AP3B1: variants seen among roughly 807,000 people sequenced by gnomAD.
AP3B1 encodes the protein AP-3 complex subunit beta-1.
Under a neutral mutation model 132.5 loss-of-function variants are expected in AP3B1, and 61 were observed. The observed-to-expected ratio is 0.46, with a 90% CI of 0.37 to 0.57. The LOEUF is 0.57. AP3B1 is among the 20% of genes least tolerant of loss of function. AP3B1 has a pLI of 0.00. For synonymous variants in AP3B1, 388 were observed against 438.3 expected, an observed-to-expected ratio of 0.89 and a Z score of 1.43; for missense variants, 1,120 against 1,289.4, an observed-to-expected ratio of 0.87 and a Z score of 2.01.
intron 2 of AP3B1, among the ~76,000 whole-genome samples, chr5:78,250,302 G>A (rs1422288211): frequency 6.6e-6 from 1 of 151,868 alleles, no homozygotes. Flanking sequence ...ACCCAAAAAA[G>A]AAAAATAAAG....
chr5:78,019,644 G>A (rs941756416), intron 25 of AP3B1, among the ~76,000 whole-genome samples: 10 of 152,030 alleles, frequency 6.6e-5, no homozygotes, highest in East Asian at 5.8e-4. Context: ...AGATTTCATC[G>A]TTCTTTTTTA....
At chr5:78,150,902 A>G (rs1404619286) in intron 14 of AP3B1, among the ~76,000 whole-genome samples, 1 of 151,822 alleles carries the variant, frequency 6.6e-6, no homozygotes, top group Non-Finnish European at 1.5e-5. Flanking sequence ...GTAAACATAT[A>G]ATTTTATTTT....
At chr5:78,021,570 G>A (rs1251888777) in intron 24 of AP3B1, among the ~76,000 whole-genome samples, 1 of 152,108 alleles carries the variant, frequency 6.6e-6, no homozygotes, top group African/African-American at 2.4e-5. Context: ...AATGATAGTA[G>A]TGTGTTTGAT....
At chr5:78,055,609 A>T (rs1211112413) in intron 22 of AP3B1, among the ~76,000 whole-genome samples, 1 of 152,174 alleles carries the variant, frequency 6.6e-6, no homozygotes, top group African/African-American at 2.4e-5. Context: ...CTTCAGTGTC[A>T]TTTCTGTCAA....
At chr5:78,270,524 G>C (rs1396455821) in intron 1 of AP3B1, among the ~76,000 whole-genome samples, 1 of 152,100 alleles carries the variant, frequency 6.6e-6, no homozygotes, top group Non-Finnish European at 1.5e-5. Flanking sequence ...GACCTTTATG[G>C]AGCCCTACCA....
chr5:78,267,812 A>T (rs1438481912), intron 1 of AP3B1, among the ~76,000 whole-genome samples: 1 of 152,220 alleles, frequency 6.6e-6, no homozygotes, highest in Admixed American at 6.5e-5. Context: ...TTGTGAAAAA[A>T]TTAATTTCTG....
chr5:78,255,156 T>TAGA (rs147082711), intron 2 of AP3B1, among the ~76,000 whole-genome samples: 2,813 of 151,952 alleles, frequency 0.019, 94 homozygotes, highest in African/African-American at 0.065. Flanking sequence ...ATCCCTTCAC[T>TAGA]AGAAGACAGG....
At chr5:78,256,050 A>C (rs933256601) in intron 2 of AP3B1, among the ~76,000 whole-genome samples, 2 of 151,968 alleles carry the variant, frequency 1.3e-5, no homozygotes, top group African/African-American at 4.8e-5. Flanking sequence ...TTTCATAGCT[A>C]TAAGTGTCTA....
At chr5:78,056,181 T>C (rs954093955) in intron 22 of AP3B1, among the ~76,000 whole-genome samples, 3 of 152,180 alleles carry the variant, frequency 2.0e-5, no homozygotes, top group Non-Finnish European at 4.4e-5. Context: ...CTCAGGAAAC[T>C]GCATGGGGTA....
At position 78,110,126 on chromosome 5, in the gene AP3B1, G is replaced by T. The variant is rs982168688; in HGVS notation, c.2397+81C>A. 4.1e-6 allele frequency: 5 copies of T among 1,221,006 alleles called. No homozygotes were observed. The African/African-American group carries it at 4.5e-5, about 11-fold the overall frequency. 75.6% of individuals were successfully genotyped at this position (1,221,006 alleles called of 1,614,324 possible). On this transcript the variant is annotated intron_variant, in intron 20 of 26. Coordinates refer to ENST00000255194, the MANE Select transcript of AP3B1 (RefSeq NM_003664.5). Reference sequence around the variant, plus strand: ...TTATCTAGAAAAAATAAAATCACAGGAGTAGATGAGGATGGTGTTGTCTAT... The same window carrying T: ...TTATCTAGAAAAAATAAAATCACAGTAGTAGATGAGGATGGTGTTGTCTAT...
At chr5:78,247,337 C>T (rs149802742) in intron 2 of AP3B1, among the ~76,000 whole-genome samples, 1,788 of 149,824 alleles carry the variant, frequency 0.012, 21 homozygotes, top group Admixed American at 0.031. Context: ...TATTTCGCTA[C>T]TGTTGAGTAG....
chr5:78,028,567 G>A (rs1165581324), intron 24 of AP3B1, among the ~76,000 whole-genome samples: 1 of 152,162 alleles, frequency 6.6e-6, no homozygotes, highest in South Asian at 2.1e-4. Context: ...ATAGTGTGGT[G>A]AGCAGACATC....
At chr5:78,051,776 C>G (rs1306110333) in intron 22 of AP3B1, among the ~76,000 whole-genome samples, 1 of 152,048 alleles carries the variant, frequency 6.6e-6, no homozygotes. Flanking sequence ...ACATCAGTAT[C>G]TATTTTGATA....
chr5:78,026,365 G>A (rs1487975046), intron 24 of AP3B1, among the ~76,000 whole-genome samples: 2 of 152,142 alleles, frequency 1.3e-5, no homozygotes, highest in Non-Finnish European at 2.9e-5. Context: ...CTCAGTTCAC[G>A]GATTCCTTTA....
rs570897233 is a variant in AP3B1, at chr5:78,132,269, T to A, written c.1651-2962A>T. Among the ~76,000 whole-genome samples the A allele has an allele frequency of 5.0e-4, 76 of 152,318 alleles. 1 individual carries two copies. Among genetic ancestry groups the A allele is most frequent in the Middle Eastern group, 6.8e-3 (2 of 294 alleles). On this transcript the variant is annotated intron_variant, in intron 15 of 26. Coordinates refer to ENST00000255194, the MANE Select transcript of AP3B1 (RefSeq NM_003664.5). ...TAAATAAGAACATTGATTTTTACCA[T>A]GACAACGTCCTTTCATCAAAAACAG...
intron 23 of AP3B1, among the ~76,000 whole-genome samples, chr5:78,036,469 T>C (rs1056942972): frequency 1.9e-4 from 29 of 152,184 alleles, no homozygotes; most frequent in Non-Finnish European, 3.7e-4. Flanking sequence ...GGATGCCATT[T>C]ACTTTGATGT....
rs540580934 is a variant in AP3B1 at position 78,012,333 on chromosome 5, CA to C, written c.3131+3076del. Among the ~76,000 whole-genome samples, 319 of 141,722 alleles carry C rather than the reference CA, an allele frequency of 2.3e-3. 2 individuals are homozygous for C. The highest frequency in any genetic ancestry group is 7.7e-3 in the African/African-American group (288 of 37,616). 93.0% of individuals were successfully genotyped at this position (141,722 alleles called of 152,430 possible). A position where few individuals can be genotyped will look rare whatever the true frequency, so the allele number is the denominator to read the frequency against. On this transcript the variant is annotated intron_variant, in intron 26 of 26. Coordinates refer to ENST00000255194, the MANE Select transcript of AP3B1 (RefSeq NM_003664.5). ...TCATTTTAAATGAAATTAAGAAAAG[CA>C]AAAAAAAAGTACAAAAGTACGTTTT...
At chr5:78,289,944 A>T (rs760142943) in intron 1 of AP3B1, among the ~76,000 whole-genome samples, 8 of 152,168 alleles carry the variant, frequency 5.3e-5, no homozygotes, top group Non-Finnish European at 1.0e-4. Context: ...ACTCTGCCTA[A>T]AGAATCCATC....
At chr5:78,127,732 A>G (rs1030446630) in intron 17 of AP3B1, among the ~76,000 whole-genome samples, 14 of 152,210 alleles carry the variant, frequency 9.2e-5, no homozygotes, top group African/African-American at 3.4e-4. Context: ...ATGAAACTAA[A>G]TACCTTAGAA....
Sources: allele counts gnomAD v4.1 joint callset (sites outside exome capture counted in the v4.1 genomes callset), GRCh38; gene constraint gnomAD v4.1.1; transcripts MANE v1.5; gene names NCBI Gene and HGNC (gene_info 2026-07-23, HGNC 2026-07-21).